The following DYM variants were observed in gnomAD, a reference collection of about 807,000 sequenced individuals.
DYM encodes dyggve-Melchior-Clausen syndrome protein.
Under a neutral mutation model 93.1 loss-of-function variants are expected in DYM, and 78 were observed. That is an observed-to-expected ratio of 0.84 (90% CI 0.70 to 1.01). The LOEUF (loss-of-function observed/expected upper bound fraction) is 1.01. DYM is among the 50% of genes least tolerant of loss of function. The pLI is 0.00. For missense variants in DYM, 789 were observed against 845.0 expected, an observed-to-expected ratio of 0.93 and a Z score of 0.82; for synonymous variants, 321 against 319.7, an observed-to-expected ratio of 1.00 and a Z score of -0.04.
At chr18:49,335,317 T>C (rs1240791902) in intron 6 of DYM, among the ~76,000 whole-genome samples, 4 of 151,910 alleles carry the variant, frequency 2.6e-5, no homozygotes, top group African/African-American at 9.7e-5. Flanking sequence ...TAAAAAGCAA[T>C]TCTTGGGCAT....
At chr18:49,282,248 T>C in intron 9 of DYM, 73 bp from the exon 10 acceptor site, 4 of 1,293,036 alleles carry the variant, frequency 3.1e-6, no homozygotes, top group East Asian at 2.5e-5. Context: ...GTTAAAGTAA[T>C]GTGTACAACT....
At chr18:49,070,484 C>T (rs1225394130) in intron 17 of DYM, among the ~76,000 whole-genome samples, 3 of 152,216 alleles carry the variant, frequency 2.0e-5, no homozygotes, top group Admixed American at 2.0e-4. Context: ...CACGGCCATT[C>T]TTCATTTCAC....
At chr18:49,449,580 G>C (rs1432832504) in intron 1 of DYM, among the ~76,000 whole-genome samples, 1 of 152,140 alleles carries the variant, frequency 6.6e-6, no homozygotes, top group Non-Finnish European at 1.5e-5. Flanking sequence ...TTGAGCTAAT[G>C]GGAAGGGAAC....
chr18:49,076,294 C>T (rs1179177191), intron 17 of DYM, among the ~76,000 whole-genome samples: 2 of 152,084 alleles, frequency 1.3e-5, no homozygotes, highest in Admixed American at 6.5e-5. Flanking sequence ...AAGAAAAATG[C>T]CATGCCTTTC....
At chr18:49,308,210 T>G (rs2061382269) in intron 8 of DYM, among the ~76,000 whole-genome samples, 1 of 152,134 alleles carries the variant, frequency 6.6e-6, no homozygotes. Flanking sequence ...AAACTTACTT[T>G]TTAATTTTCA....
chr18:49,066,044 G>A lies in DYM; in HGVS notation c.2026-21840C>T, dbSNP rs189083892. On this transcript the variant is annotated intron_variant, in intron 17 of 17. Transcript: ENST00000675505. ...ACTTTATAAAAACAACTTTTATTTTGTGAAATATAATATGCATACCGAAAA... is the reference window on the plus strand; with the variant it reads ...ACTTTATAAAAACAACTTTTATTTTATGAAATATAATATGCATACCGAAAA... Among the ~76,000 whole-genome samples the A allele has an allele frequency of 1.4e-3, 212 of 152,062 alleles. 2 individuals are homozygous for A. The highest frequency in any genetic ancestry group is 4.9e-3 in the African/African-American group (202 of 41,506).
At chr18:49,098,439 T>A (rs907103148) in intron 16 of DYM, among the ~76,000 whole-genome samples, 1 of 152,240 alleles carries the variant, frequency 6.6e-6, no homozygotes, top group Non-Finnish European at 1.5e-5. Flanking sequence ...TTTTGTCTTA[T>A]CCATTCTAGT....
chr18:49,212,466 G>A (rs954113970), intron 13 of DYM, among the ~76,000 whole-genome samples: 4 of 151,882 alleles, frequency 2.6e-5, no homozygotes, highest in Non-Finnish European at 4.4e-5. Context: ...GTGAGTTAAA[G>A]GTAAATGAAA....
At chr18:49,152,513 C>A (rs2085937824) in intron 15 of DYM, among the ~76,000 whole-genome samples, 1 of 152,144 alleles carries the variant, frequency 6.6e-6, no homozygotes, top group African/African-American at 2.4e-5. Flanking sequence ...TTACTCGCTA[C>A]AGACTTTGCT....
intron 8 of DYM, among the ~76,000 whole-genome samples, chr18:49,309,012 C>T (rs1568218828): frequency 6.6e-6 from 1 of 151,924 alleles, no homozygotes; most frequent in East Asian, 2.0e-4. Flanking sequence ...AGAAAACACA[C>T]CACAACGGTA....
intron 8 of DYM, among the ~76,000 whole-genome samples, chr18:49,318,797 CTTTTTTTTTT>C (rs932617888): frequency 2.2e-3 from 257 of 114,362 alleles, no homozygotes; most frequent in Non-Finnish European, 3.6e-3. Context: ...ATTTCTTTTT[CTTTTTTTTTT>C]TTTTTTTTTT....
intron 11 of DYM, among the ~76,000 whole-genome samples, chr18:49,269,096 C>T (rs942659306): frequency 2.0e-5 from 3 of 152,050 alleles, no homozygotes; most frequent in Non-Finnish European, 2.9e-5. Context: ...AGAACTCACA[C>T]AACTCAATAA....
chr18:49,427,568 T>C (rs2074406069), intron 2 of DYM, among the ~76,000 whole-genome samples: 1 of 151,928 alleles, frequency 6.6e-6, no homozygotes, highest in African/African-American at 2.4e-5. Flanking sequence ...TGAGGTGTGA[T>C]AATGGTATTA....
intron 17 of DYM, among the ~76,000 whole-genome samples, chr18:49,086,687 G>C (rs1283012940): frequency 2.6e-5 from 4 of 152,122 alleles, no homozygotes; most frequent in African/African-American, 9.7e-5. Flanking sequence ...AAGGGGATTA[G>C]TGCCCTCAAA....
In DYM at chr18:49,252,269, A is replaced by C. The variant is rs1598911047; in HGVS notation, c.1460+4741T>G. ...AACTGCCTGAGACTGGGTAATTTAT[A>C]AAGTTAAGAGGTTTCATTGACTCAC... is the stretch of plus-strand genomic sequence containing the variant. On this transcript the variant is annotated intron_variant, in intron 13 of 17. Coordinates refer to ENST00000675505, the MANE Select transcript of DYM (RefSeq NM_001353214.3). Among the ~76,000 whole-genome samples, 3 of 140,454 alleles carry C rather than the reference A, an allele frequency of 2.1e-5. No homozygotes were observed. The Admixed American group carries it at 2.3e-4, about 11-fold the overall frequency. 92.1% of individuals were successfully genotyped at this position (140,454 alleles called of 152,430 possible).
chr18:49,394,761 T>C (rs555392079), intron 2 of DYM, among the ~76,000 whole-genome samples: 100 of 152,306 alleles, frequency 6.6e-4, no homozygotes, highest in African/African-American at 2.0e-3. Flanking sequence ...GTTAAATTTA[T>C]TGCTAGGTTT....
At chr18:49,300,987 C>T (rs1039746719) in intron 8 of DYM, among the ~76,000 whole-genome samples, 1 of 152,100 alleles carries the variant, frequency 6.6e-6, no homozygotes, top group Admixed American at 6.5e-5. Context: ...CACGGTGCCT[C>T]AAACCTTAAA....
chr18:49,263,920 C>T (rs546446509), intron 11 of DYM, among the ~76,000 whole-genome samples: 7 of 152,156 alleles, frequency 4.6e-5, no homozygotes, highest in African/African-American at 7.2e-5. Context: ...TCATAGAAGA[C>T]TTCTATGAGG....
chr18:49,199,025 A>G (rs890953329), intron 14 of DYM, among the ~76,000 whole-genome samples: 2 of 152,240 alleles, frequency 1.3e-5, no homozygotes, highest in African/African-American at 4.8e-5. Flanking sequence ...TGGCACATAT[A>G]CACCATGGAA....
Sources: gnomAD v4.1 joint callset for allele counts (sites outside exome capture counted in the v4.1 genomes callset) on GRCh38, gnomAD v4.1.1 for gene constraint, MANE v1.5 for transcripts, NCBI Gene and HGNC (gene_info 2026-07-23, HGNC 2026-07-21) for gene names.